ADAM22: variants seen among roughly 807,000 people sequenced by gnomAD.
The protein encoded by ADAM22 is ADAM metallopeptidase domain 22, also known as disintegrin and metalloproteinase domain-containing protein 22.
In ADAM22, 65 loss-of-function variants were observed where a neutral mutation model predicts 144.6. The observed-to-expected ratio is 0.45, with a 90% CI of 0.37 to 0.55. The LOEUF (loss-of-function observed/expected upper bound fraction) is 0.55. Among genes scored for constraint, ADAM22 ranks in the 20% least tolerant of loss-of-function variants. The pLI is 0.00. For missense variants in ADAM22, 974 were observed against 1,184.9 expected (o/e 0.82, Z 2.61); for synonymous variants, 391 against 412.6 (o/e 0.95, Z 0.63).
At chr7:87,934,916 TGG>T in intron 1 of ADAM22, 108 bp from the exon 2 acceptor site, 1 of 1,466,724 alleles carries the variant, frequency 6.8e-7, no homozygotes, top group Non-Finnish European at 9.5e-7. Flanking sequence ...GAGGGGGCGG[TGG>T]GGATTTTCGT....
At chr7:88,106,497 CT>C (rs1466258378) in intron 4 of ADAM22, among the ~76,000 whole-genome samples, 2 of 152,194 alleles carry the variant, frequency 1.3e-5, no homozygotes, top group African/African-American at 4.8e-5. Flanking sequence ...TTGTGAAACA[CT>C]GAACATTTTA....
rs1851135848 is a variant in ADAM22, at chr7:88,200,666, G to A, written c.*4175G>A. The A allele has an allele frequency of 6.6e-6, 1 of 152,142 alleles. No homozygotes were observed. Among genetic ancestry groups the A allele is most frequent in the South Asian group, 2.1e-4 (1 of 4,832 alleles). 9.4% of individuals were successfully genotyped at this position (152,142 alleles called of 1,614,324 possible). A position where few individuals can be genotyped will look rare whatever the true frequency, so the allele number is the denominator to read the frequency against. ...TAAATACCTTTCCACTCCGTTAAAT[G>A]TATGGAGTCAAGATAAATTTCTCAT... On this transcript the variant is annotated 3_prime_UTR_variant, in exon 32 of 32. Transcript: ENST00000413139.
chr7:88,135,826 TAAAA>T (rs1294114923), intron 13 of ADAM22, among the ~76,000 whole-genome samples, 150 bp from the exon 14 acceptor site: 2 of 152,166 alleles, frequency 1.3e-5, no homozygotes, highest in Admixed American at 6.5e-5. Context: ...GCATATTACA[TAAAA>T]AAACTATTGT....
intron 4 of ADAM22, among the ~76,000 whole-genome samples, chr7:88,101,003 A>T (rs1283050613): frequency 2.7e-5 from 4 of 150,422 alleles, no homozygotes; most frequent in Non-Finnish European, 4.4e-5. Context: ...CTTGGGGGGA[A>T]TCTAGGATGC....
chr7:87,995,517 T>C (rs78029645), intron 3 of ADAM22, among the ~76,000 whole-genome samples: 1 of 152,182 alleles, frequency 6.6e-6, no homozygotes, highest in South Asian at 2.1e-4. Context: ...CCTACTCCCA[T>C]AGACCAAATG....
At chr7:88,123,553 A>G (rs2129494197) in intron 7 of ADAM22, among the ~76,000 whole-genome samples, 1 of 152,056 alleles carries the variant, frequency 6.6e-6, no homozygotes, top group African/African-American at 2.4e-5. Context: ...TAGAATCTGT[A>G]GTGATTTGCT....
In ADAM22 at chr7:88,150,987, C is replaced by A. The variant is rs199684808; in HGVS notation, c.1573C>A (p.Pro525Thr). The change falls in exon 19 of 32, where the codon CCT becomes ACT. Residue 525 changes from proline to threonine, a missense_variant. Transcript: ENST00000413139. ...TCSGNSSQCA[P>T]NIHKMDGYSC... is the part of the protein sequence containing the mutation. Reference sequence around the variant, plus strand: ...GTTGTTCTCTTTTTCCTAGTGTGCCCCTAATATTCATAAAATGGATGGATA... The same window carrying A: ...GTTGTTCTCTTTTTCCTAGTGTGCCACTAATATTCATAAAATGGATGGATA... 147 of 1,613,228 alleles carry A rather than the reference C, an allele frequency of 9.1e-5. No individual in the cohort carries two copies. In the African/African-American group the frequency reaches 1.9e-3, roughly 20 times the overall value.
chr7:88,184,373 CAGCCCCCAG>C (rs1847816390), intron 29 of ADAM22: 1 of 436,270 alleles, frequency 2.3e-6, no homozygotes, highest in Admixed American at 2.5e-5. Flanking sequence ...GGGGCTCTGA[CAGCCCCCAG>C]ACAGGGAGTC....
intron 4 of ADAM22, among the ~76,000 whole-genome samples, chr7:88,083,697 A>G (rs1178249578): frequency 6.6e-6 from 1 of 151,770 alleles, no homozygotes; most frequent in Non-Finnish European, 1.5e-5. Context: ...TACCTCCTGT[A>G]TACCTATACA....
At chr7:88,106,301 A>G (rs929741887) in intron 4 of ADAM22, among the ~76,000 whole-genome samples, 10 of 152,198 alleles carry the variant, frequency 6.6e-5, no homozygotes, top group Non-Finnish European at 1.3e-4. Context: ...TTTAAGGTCC[A>G]GGATTGCATT....
At chr7:88,163,386 TC>T (rs1385745131) in intron 23 of ADAM22, among the ~76,000 whole-genome samples, 9 of 152,112 alleles carry the variant, frequency 5.9e-5, no homozygotes, top group Non-Finnish European at 1.3e-4. Flanking sequence ...GAATAATCTT[TC>T]TAACCAAATT....
intron 2 of ADAM22, among the ~76,000 whole-genome samples, chr7:87,952,864 G>A (rs1452612845): frequency 6.6e-6 from 1 of 152,172 alleles, no homozygotes; most frequent in East Asian, 1.9e-4. Context: ...TCCCGGTTTA[G>A]TCTTGGGAGG....
chr7:87,956,527 C>A (rs1846801698), intron 2 of ADAM22, among the ~76,000 whole-genome samples: 1 of 152,162 alleles, frequency 6.6e-6, no homozygotes, highest in South Asian at 2.1e-4. Context: ...ATTTAGAGAA[C>A]TGTGCAGCGA....
intron 2 of ADAM22, among the ~76,000 whole-genome samples, chr7:87,959,104 GT>G (rs201869222): frequency 6.7e-4 from 99 of 148,680 alleles, no homozygotes; most frequent in African/African-American, 2.2e-3. Flanking sequence ...CTCAAATGTA[GT>G]TTTTTTTTTA....
At chr7:87,999,206 C>G (rs775355635) in intron 3 of ADAM22, among the ~76,000 whole-genome samples, 10 of 152,088 alleles carry the variant, frequency 6.6e-5, no homozygotes, top group Non-Finnish European at 1.3e-4. Context: ...ATATGGGAGA[C>G]AGACTCATTA....
rs116954842 is a variant in ADAM22 at position 88,012,028 on chromosome 7, G to A, written c.323+33616G>A. Among the ~76,000 whole-genome samples, 384 of 114,506 alleles carry A rather than the reference G, an allele frequency of 3.4e-3. 3 individuals carry two copies. In the East Asian group the frequency reaches 0.035, roughly 10 times the overall value. The allele number at this position is 114,506 out of a possible 152,430, so 75.1% of individuals were successfully genotyped here. On this transcript the variant is annotated intron_variant, in intron 3 of 31. Coordinates refer to ENST00000413139, the MANE Select transcript of ADAM22 (RefSeq NM_001324418.2). ...AGTTCTTAGTAGAGTATTGTGTTCT[G>A]TTTTTTTTTCTTTTTTTTTTTTGTC...
intron 21 of ADAM22, among the ~76,000 whole-genome samples, chr7:88,155,418 G>A (rs1464725242): frequency 6.6e-6 from 1 of 151,714 alleles, no homozygotes; most frequent in Admixed American, 6.6e-5. Flanking sequence ...AGCTACCTGG[G>A]AGGCTGAGGC....
At chr7:88,135,478 A>G (rs1156354638) in intron 13 of ADAM22, among the ~76,000 whole-genome samples, 2 of 152,082 alleles carry the variant, frequency 1.3e-5, no homozygotes, top group Non-Finnish European at 2.9e-5. Flanking sequence ...GATTACACAT[A>G]TATCAAATGG....
intron 4 of ADAM22, among the ~76,000 whole-genome samples, chr7:88,080,556 G>A (rs539297796): frequency 9.2e-5 from 14 of 152,068 alleles, no homozygotes; most frequent in South Asian, 2.1e-4. Flanking sequence ...ATGAATCCAG[G>A]AGCTGGTTTT....
Sources: allele counts gnomAD v4.1 joint callset (sites outside exome capture counted in the v4.1 genomes callset), GRCh38; gene constraint gnomAD v4.1.1; transcripts MANE v1.5; gene names NCBI Gene and HGNC (gene_info 2026-07-23, HGNC 2026-07-21).